Variants in DNAH6 observed in about 807,000 individuals in gnomAD.
DNAH6 encodes the protein axonemal beta dynein heavy chain 6.
DNAH6 carries 340 observed loss-of-function variants against 491.4 expected under a neutral mutation model. The ratio of observed to expected loss-of-function variants is 0.69; its 90% CI spans 0.63 to 0.76. DNAH6 has a LOEUF of 0.76. DNAH6 is among the 30% of genes least tolerant of loss of function. The pLI is 0.00. For synonymous variants in DNAH6, 1,603 were observed against 1,686.1 expected (o/e 0.95, Z 1.21); for missense variants, 4,443 against 4,972.2 (o/e 0.89, Z 3.20).
rs148839996 is a variant in DNAH6, at chr2:84,575,412, A to G, written c.1924+1825A>G. Among the ~76,000 whole-genome samples the G allele has an allele frequency of 1.3e-4, 20 of 152,322 alleles. No homozygotes were observed. The East Asian group carries it at 3.9e-3, about 29-fold the overall frequency. On this transcript the variant is annotated intron_variant, in intron 12 of 76. Coordinates refer to ENST00000389394, the MANE Select transcript of DNAH6 (RefSeq NM_001370.2). Reference sequence around the variant, plus strand: ...ACTGAGCACTTACAGCATGATAGATACTGTTCTAAGTAATATTTAGACATT... The same window carrying G: ...ACTGAGCACTTACAGCATGATAGATGCTGTTCTAAGTAATATTTAGACATT...
chr2:84,548,251 C>T, intron 7 of DNAH6, 37 bp from the exon 8 acceptor site: 1 of 1,570,530 alleles, frequency 6.4e-7, no homozygotes, highest in African/African-American at 1.4e-5. Flanking sequence ...AACTTTTACA[C>T]AAGTACACTT....
At chr2:84,768,337 T>C (rs538001650) in intron 64 of DNAH6, among the ~76,000 whole-genome samples, 1 of 151,996 alleles carries the variant, frequency 6.6e-6, no homozygotes, top group South Asian at 2.1e-4. Flanking sequence ...AAATTCCTGC[T>C]GAAACTGATT....
Position 84,701,110 on chromosome 2 carries a change from C to T in DNAH6, c.7832C>T (p.Ala2611Val), listed in dbSNP as rs1297058661. 1 of 1,550,912 alleles carries T rather than the reference C, an allele frequency of 6.4e-7. No individual in the cohort carries two copies. Among genetic ancestry groups the T allele is most frequent in the Admixed American group, 2.0e-5 (1 of 50,998 alleles). Residue 2611 changes from alanine to valine, a missense_variant, in exon 49 of 77, where the codon GCA becomes GTA. By Grantham distance (64) the Ala-to-Val change is moderately conservative. Transcript: ENST00000389394. ...CTTGATTCACAGTGGCCCAGAGAAG[C>T]ACTTCTTTCTGTGTCAAAGACATTT... ...IDWFVQWPRE[A>V]LLSVSKTFFS...
intron 2 of DNAH6, among the ~76,000 whole-genome samples, chr2:84,521,537 A>C (rs1344541003): frequency 1.3e-5 from 2 of 152,042 alleles, no homozygotes; most frequent in Admixed American, 1.3e-4. Flanking sequence ...TTTGTCATGA[A>C]ATCTTTGCCA....
chr2:84,588,864 A>T lies in DNAH6; in HGVS notation c.2520A>T (p.Lys840Asn), dbSNP rs1462641076. 1 of 1,550,672 alleles carries T rather than the reference A, an allele frequency of 6.4e-7. No homozygotes were observed. The highest frequency in any genetic ancestry group is 1.7e-4 in the Middle Eastern group (1 of 5,986). Residue 840 changes from lysine to asparagine, a missense_variant, in exon 16 of 77, where the codon AAA becomes AAT. Around this residue, in one of 3 missense-constraint regions of DNAH6, gnomAD observed 2,977 missense variants for 3,296.6 expected, o/e 0.90. Coordinates refer to ENST00000389394, the MANE Select transcript of DNAH6 (RefSeq NM_001370.2). ...QILDISADQD[K>N]IRLILNNLQS... ...TAGATATCTCTGCTGACCAAGACAA[A>T]ATAAGGCTCATATTGAATAATCTGC...
chr2:84,736,417 C>G (rs1324060907), intron 62 of DNAH6, among the ~76,000 whole-genome samples: 1 of 152,140 alleles, frequency 6.6e-6, no homozygotes, highest in Non-Finnish European at 1.5e-5. Flanking sequence ...AGCATTAAAT[C>G]TGTAGATTGC....
At chr2:84,506,351 T>C in the DNAH6 span, among the ~76,000 whole-genome samples, 1 of 152,242 alleles carries the variant, frequency 6.6e-6, no homozygotes, top group Admixed American at 6.5e-5. Context: ...GTTTTTTGGC[T>C]GCATAAATGT....
At chr2:84,706,398 T>G (rs1465413947) in intron 52 of DNAH6, among the ~76,000 whole-genome samples, 1 of 152,238 alleles carries the variant, frequency 6.6e-6, no homozygotes, top group Non-Finnish European at 1.5e-5. Context: ...CACACAGTTA[T>G]CACATTTCAT....
intron 9 of DNAH6, among the ~76,000 whole-genome samples, chr2:84,551,651 A>T (rs1167097813): frequency 6.6e-6 from 1 of 152,204 alleles, no homozygotes; most frequent in Non-Finnish European, 1.5e-5. Flanking sequence ...AAATTCCTAG[A>T]TGTGGAATTG....
chr2:84,721,297 C>A (rs943252420), intron 59 of DNAH6, among the ~76,000 whole-genome samples: 4 of 152,040 alleles, frequency 2.6e-5, no homozygotes, highest in Admixed American at 1.3e-4. Flanking sequence ...TTAGTTGAGT[C>A]CCATATTAAC....
chr2:84,750,096 A>G (rs1673320583), intron 63 of DNAH6, among the ~76,000 whole-genome samples: 1 of 152,076 alleles, frequency 6.6e-6, no homozygotes, highest in African/African-American at 2.4e-5. Context: ...GGGAAATGTG[A>G]ACACTACATA....
At position 84,577,362 on chromosome 2, in the gene DNAH6, G is replaced by A. The variant is rs199597073; in HGVS notation, c.2030G>A (p.Arg677Lys). The A allele has an allele frequency of 1.4e-4, 225 of 1,610,844 alleles. No homozygotes were observed. The highest frequency in any genetic ancestry group is 8.2e-4 in the Middle Eastern group (5 of 6,078). Residue 677 changes from arginine to lysine, a missense_variant, in exon 13 of 77, where the codon AGG becomes AAG. Coordinates refer to ENST00000389394, the MANE Select transcript of DNAH6 (RefSeq NM_001370.2). ...RNVGLLLIDTRLLREKLIPSP... is the reference protein window; with the variant it reads ...RNVGLLLIDTKLLREKLIPSP... ...GTAGGATTGCTGCTCATTGATACTA[G>A]GCTTCTAAGAGAAAAATTAATTCCA... is the stretch of plus-strand genomic sequence containing the variant.
chr2:84,619,827 A>G lies in DNAH6; in HGVS notation c.3715A>G (p.Ile1239Val), dbSNP rs1411239119. The G allele has an allele frequency of 1.3e-6, 2 of 1,551,518 alleles. No homozygotes were observed. Among genetic ancestry groups the G allele is most frequent in the Admixed American group, 3.9e-5 (2 of 50,982 alleles). The change falls in exon 24 of 77, where the codon ATT becomes GTT. Residue 1239 changes from isoleucine to valine, a missense_variant. Ile to Val is a conservative substitution (Grantham distance 29). Coordinates refer to ENST00000389394, the MANE Select transcript of DNAH6 (RefSeq NM_001370.2). ...FALMPPAEGKIPGIDGEPEKV... is the reference protein window; with the variant it reads ...FALMPPAEGKVPGIDGEPEKV... ...TCTCATGCCTCCTGCCGAAGGAAAG[A>G]TTCCTGGTATTGATGGAGAACCAGA...
At chr2:84,562,595 A>G (rs974549489) in intron 11 of DNAH6, among the ~76,000 whole-genome samples, 5 of 152,176 alleles carry the variant, frequency 3.3e-5, no homozygotes, top group Non-Finnish European at 7.3e-5. Context: ...CTCAGTGTAT[A>G]ATTTTACTCA....
chr2:84,530,942 C>T (rs550211671), intron 4 of DNAH6, among the ~76,000 whole-genome samples: 4 of 152,246 alleles, frequency 2.6e-5, no homozygotes, highest in East Asian at 1.9e-4. Flanking sequence ...CATGGAGGCA[C>T]GCCCATGACA....
intron 12 of DNAH6, among the ~76,000 whole-genome samples, chr2:84,574,087 T>TAGAAGATA (rs1172620326): frequency 3.3e-5 from 5 of 152,164 alleles, no homozygotes; most frequent in Non-Finnish European, 5.9e-5. Flanking sequence ...TAATCTACAA[T>TAGAAGATA]ATCCAAGTGC....
chr2:84,683,714 C>T (rs1236297091), intron 42 of DNAH6, among the ~76,000 whole-genome samples: 2 of 152,078 alleles, frequency 1.3e-5, no homozygotes, highest in East Asian at 3.9e-4. Flanking sequence ...TGAGCCACTG[C>T]GCCCGGCCAA....
At chr2:84,670,259 C>T (rs1257634451) in intron 38 of DNAH6, 69 bp from the exon 39 acceptor site, 9 of 1,118,736 alleles carry the variant, frequency 8.0e-6, no homozygotes, top group Non-Finnish European at 1.1e-5. Context: ...CTCATTGTGC[C>T]AAACTATTAC....
intron 56 of DNAH6, among the ~76,000 whole-genome samples, chr2:84,712,256 T>G (rs2104880156): frequency 6.6e-6 from 1 of 152,384 alleles, no homozygotes; most frequent in East Asian, 1.9e-4. Context: ...TGAATAAAGG[T>G]AAATTTTATC....
Sources: allele counts gnomAD v4.1 joint callset (sites outside exome capture counted in the v4.1 genomes callset), GRCh38; gene constraint gnomAD v4.1.1; regional missense constraint gnomAD v4.1.1; transcripts MANE v1.5; gene names NCBI Gene and HGNC (gene_info 2026-07-23, HGNC 2026-07-21).